The following IPPK variants were observed in gnomAD, a reference collection of about 807,000 sequenced individuals.
The protein encoded by IPPK is inositol-pentakisphosphate 2-kinase, also known as IPK1 homolog.
In IPPK, 22 loss-of-function variants were observed where a neutral mutation model predicts 64.6. That is an observed-to-expected ratio of 0.34 (90% CI 0.24 to 0.49). The LOEUF (loss-of-function observed/expected upper bound fraction) is 0.49. Ranked by LOEUF, IPPK falls within the 20% of genes least tolerant of loss-of-function variation. The pLI, the probability that IPPK is intolerant of heterozygous loss-of-function variation, is 0.99. For synonymous variants in IPPK, 262 were observed against 247.2 expected, an observed-to-expected ratio of 1.06 and a Z score of -0.56; for missense variants, 532 against 630.7, an observed-to-expected ratio of 0.84 and a Z score of 1.68.
At position 92,670,078 on chromosome 9, in the gene IPPK, C is replaced by G; in HGVS notation, c.-90G>C. On this transcript the variant is annotated 5_prime_UTR_variant, in exon 1 of 13. Transcript: ENST00000287996. ...CTCGCTGGGAACCAGCCGCTGCGGTCGGGGGAGGAGCGCCTGTCAGCTGCC... is the reference window on the plus strand; with the variant it reads ...CTCGCTGGGAACCAGCCGCTGCGGTGGGGGGAGGAGCGCCTGTCAGCTGCC... 8 of 944,496 alleles carry G rather than the reference C, an allele frequency of 8.5e-6. No homozygotes were observed. Among genetic ancestry groups the G allele is most frequent in the Non-Finnish European group, 1.2e-5 (8 of 640,934 alleles). 58.5% of individuals were successfully genotyped at this position (944,496 alleles called of 1,614,324 possible).
At chr9:92,633,052 C>T (rs1016079848) in intron 11 of IPPK, among the ~76,000 whole-genome samples, 1 of 151,916 alleles carries the variant, frequency 6.6e-6, no homozygotes, top group African/African-American at 2.4e-5. Context: ...GCTCTGTCGC[C>T]CAGGCTAGAA....
At chr9:92,623,467 A>T (rs1044416565) in intron 11 of IPPK, among the ~76,000 whole-genome samples, 1 of 152,048 alleles carries the variant, frequency 6.6e-6, no homozygotes, top group Admixed American at 6.6e-5. Flanking sequence ...GACAAACTAC[A>T]TAGGCTACAT....
Position 92,658,675 on chromosome 9 carries a change from C to T in IPPK, c.88G>A (p.Val30Ile), listed in dbSNP as rs148572533. The change falls in exon 2 of 13, where the codon GTC (valine) becomes ATC (isoleucine). Residue 30 changes from valine (V) to isoleucine (I), a missense_variant. Physicochemically the swap from Val to Ile is conservative, Grantham distance 29. Transcript: ENST00000287996. ...GGAAACTTCAGAAACCGCAGCACGA[C>T]GCAGCGCTGTTGGAAAATAAAACAA... ...SLVVAHAQRC[V>I]VLRFLKFPPN... 154 of 1,613,884 alleles carry T rather than the reference C, an allele frequency of 9.5e-5. No homozygotes were observed. The Middle Eastern group carries it at 9.9e-4, about 10-fold the overall frequency.
Position 92,613,388 on chromosome 9 carries a change from C to G in IPPK, c.*2444G>C. The G allele has an allele frequency of 2.3e-6, 1 of 443,112 alleles. No homozygotes were observed. The highest frequency in any genetic ancestry group is 4.1e-6 in the Non-Finnish European group (1 of 242,350). 27.4% of individuals were successfully genotyped at this position (443,112 alleles called of 1,614,324 possible). Reference sequence around the variant, plus strand: ...TGGTTTATAAAAATAAGCTTAACATCTGAGAAAATGTACCAAGTGGTTGTG... The same window carrying G: ...TGGTTTATAAAAATAAGCTTAACATGTGAGAAAATGTACCAAGTGGTTGTG... On this transcript the variant is annotated 3_prime_UTR_variant, in exon 13 of 13. Transcript: ENST00000287996.
At chr9:92,653,474 C>T (rs1189702730) in intron 3 of IPPK, among the ~76,000 whole-genome samples, 3 of 152,178 alleles carry the variant, frequency 2.0e-5, no homozygotes, top group Non-Finnish European at 2.9e-5. Flanking sequence ...TATAAATTAA[C>T]AAAATATGAC....
At chr9:92,649,317 GT>G (rs1414063408) in intron 5 of IPPK, 135 bp downstream of exon 5, 1 of 960,302 alleles carries the variant, frequency 1.0e-6, no homozygotes, top group Non-Finnish European at 1.6e-6. Context: ...ACAGAAACAA[GT>G]GGAGTTTCCA....
Position 92,649,500 on chromosome 9 carries a change from T to G in IPPK, c.367A>C (p.Thr123Pro), listed in dbSNP as rs1587637391. ...MCLPNLTRLQ[T>P]YRFAEHRPIL... ...GGCCGGTGCTCTGCAAAGCGGTAGG[T>G]TTGGAGTCTGGTTAAATTAGGAAGG... The change falls in exon 5 of 13, where the codon ACC becomes CCC. Residue 123 changes from threonine to proline, a missense_variant. Physicochemically the swap from Thr to Pro is conservative, Grantham distance 38. Coordinates refer to ENST00000287996, the MANE Select transcript of IPPK (RefSeq NM_022755.6). 2 of 1,613,706 alleles carry G rather than the reference T, an allele frequency of 1.2e-6. No individual in the cohort carries two copies. The highest frequency in any genetic ancestry group is 1.7e-6 in the Non-Finnish European group (2 of 1,179,910).
intron 4 of IPPK, among the ~76,000 whole-genome samples, chr9:92,650,881 G>T: frequency 1.3e-5 from 2 of 152,168 alleles, no homozygotes; most frequent in South Asian, 4.2e-4. Flanking sequence ...CCGTGGTGTG[G>T]ACAGAACCAA....
At chr9:92,641,455 G>A (rs1425321400) in intron 7 of IPPK, among the ~76,000 whole-genome samples, 1 of 152,158 alleles carries the variant, frequency 6.6e-6, no homozygotes, top group Admixed American at 6.5e-5. Flanking sequence ...ATTCCAGGGA[G>A]GTTTCCCTAC....
chr9:92,663,157 G>T (rs1452907673), intron 1 of IPPK, among the ~76,000 whole-genome samples: 3 of 152,214 alleles, frequency 2.0e-5, no homozygotes, highest in Admixed American at 2.0e-4. Context: ...ACAAAATACA[G>T]TCATGCATCA....
chr9:92,649,107 C>G (rs984758201), intron 5 of IPPK, among the ~76,000 whole-genome samples: 2 of 152,196 alleles, frequency 1.3e-5, no homozygotes, highest in African/African-American at 2.4e-5. Context: ...CCCAGAGGAC[C>G]CTGGCAAGCT....
At chr9:92,652,698 C>T in intron 3 of IPPK, 59 bp from the exon 4 acceptor site, 1 of 838,440 alleles carries the variant, frequency 1.2e-6, no homozygotes, top group South Asian at 1.7e-5. Context: ...AACACAATGC[C>T]ACAGAACTGC....
intron 6 of IPPK, 84 bp from the exon 7 acceptor site, chr9:92,642,894 T>C: frequency 9.2e-7 from 1 of 1,092,786 alleles, no homozygotes; most frequent in Non-Finnish European, 1.4e-6. Flanking sequence ...ACAGCATCAG[T>C]GATGAAGACA....
intron 12 of IPPK, chr9:92,616,701 T>A (rs1166278969): frequency 1.3e-5 from 2 of 152,532 alleles, no homozygotes; most frequent in Non-Finnish European, 2.9e-5. Context: ...AGTCGTGTGC[T>A]TATAACAAGA....
chr9:92,656,554 G>A lies in IPPK; in HGVS notation c.130-3C>T, dbSNP rs779211382. 3.7e-6 allele frequency: 6 copies of A among 1,600,296 alleles called. No homozygotes were observed. Among genetic ancestry groups the A allele is most frequent in the Non-Finnish European group, 5.1e-6 (6 of 1,167,416 alleles). ...TGTTGAAATATCTCTTCCGAGGTCT[G>A]TAAGAGACAACCACAGGACAGCCTT... On this transcript the variant is annotated splice_region_variant and splice_polypyrimidine_tract_variant and intron_variant, in intron 2 of 12. Coordinates refer to ENST00000287996, the MANE Select transcript of IPPK (RefSeq NM_022755.6).
chr9:92,635,066 G>A lies in IPPK; in HGVS notation c.1067+92C>T. 7.8e-7 allele frequency: 1 copy of A among 1,275,090 alleles called. No homozygotes were observed. The highest frequency in any genetic ancestry group is 1.1e-6 in the Non-Finnish European group (1 of 922,338). 79.0% of individuals were successfully genotyped at this position (1,275,090 alleles called of 1,614,324 possible). On this transcript the variant is annotated intron_variant, in intron 10 of 12. Transcript: ENST00000287996. This position sits in a 1 kb window ranked among gnomAD's most constrained non-coding sequence, Gnocchi z 4.4. ...AGTGGCCGGCATGCTTCATCCTCCT[G>A]GGAAGCTGTGCCTTGGGAGGCGCAT...
At chr9:92,618,448 G>A (rs1851516031) in intron 12 of IPPK, 1 of 456,598 alleles carries the variant, frequency 2.2e-6, no homozygotes, top group African/African-American at 2.0e-5. Flanking sequence ...TAACATGTCT[G>A]TCCTTCAGCG....
chr9:92,623,191 T>G (rs1392862719), intron 11 of IPPK, among the ~76,000 whole-genome samples: 1 of 151,892 alleles, frequency 6.6e-6, no homozygotes. Flanking sequence ...TCGCAGCACT[T>G]TGGGAGGCCG....
At chr9:92,666,345 A>C (rs1305154447) in intron 1 of IPPK, among the ~76,000 whole-genome samples, 1 of 152,192 alleles carries the variant, frequency 6.6e-6, no homozygotes, top group Non-Finnish European at 1.5e-5. Flanking sequence ...AAAACCAACA[A>C]GCTGAAGGCG....
Sources: allele counts gnomAD v4.1 joint callset (sites outside exome capture counted in the v4.1 genomes callset), GRCh38; gene constraint gnomAD v4.1.1; non-coding constraint Gnocchi (gnomAD v3.1); transcripts MANE v1.5; gene names NCBI Gene and HGNC (gene_info 2026-07-23, HGNC 2026-07-21).